The following CERS3 variants were observed in gnomAD, a reference collection of about 807,000 sequenced individuals.
CERS3 encodes LAG1 homolog, ceramide synthase 3.
A neutral mutation model predicts 50.3 loss-of-function variants in CERS3; 33 were observed. That is an observed-to-expected ratio of 0.66 (90% CI 0.50 to 0.88). CERS3 has a LOEUF of 0.88. Ranked by LOEUF, CERS3 falls within the 40% of genes least tolerant of loss-of-function variation. The pLI is 0.00. For synonymous variants in CERS3, 176 were observed against 155.2 expected (o/e 1.13, Z -0.99); for missense variants, 470 against 460.3 (o/e 1.02, Z -0.19).
At chr15:100,443,634 T>A (rs2033803033) in intron 11 of CERS3, among the ~76,000 whole-genome samples, 1 of 144,604 alleles carries the variant, frequency 6.9e-6, no homozygotes, top group African/African-American at 2.5e-5. Context: ...GCTCAGCAAA[T>A]TACCTGGGCT....
At chr15:100,507,652 T>C (rs2036223242) in intron 2 of CERS3, among the ~76,000 whole-genome samples, 1 of 152,188 alleles carries the variant, frequency 6.6e-6, no homozygotes, top group African/African-American at 2.4e-5. Context: ...TCAGTGAAAA[T>C]TGCCACCAGG....
chr15:100,422,258 T>A, intron 11 of CERS3, among the ~76,000 whole-genome samples: 1 of 27,988 alleles, frequency 3.6e-5, no homozygotes, highest in Non-Finnish European at 7.7e-5. Context: ...AACAACCCCA[T>A]CAAAAAGTGG....
chr15:100,503,152 T>A (rs936291872), intron 2 of CERS3, among the ~76,000 whole-genome samples: 1 of 152,134 alleles, frequency 6.6e-6, no homozygotes, highest in Non-Finnish European at 1.5e-5. Flanking sequence ...CAAAATGTCC[T>A]CAGATTCACA....
chr15:100,542,381 C>G (rs1441468603), intron 1 of CERS3, among the ~76,000 whole-genome samples: 1 of 152,214 alleles, frequency 6.6e-6, no homozygotes, highest in East Asian at 1.9e-4. Flanking sequence ...ATGTATAAAT[C>G]ATGCGTATTT....
chr15:100,427,368 C>T (rs1303054312), intron 11 of CERS3, among the ~76,000 whole-genome samples: 1 of 152,200 alleles, frequency 6.6e-6, no homozygotes, highest in South Asian at 2.1e-4. Flanking sequence ...TTAGGCAATG[C>T]CAATCTATCA....
intron 11 of CERS3, among the ~76,000 whole-genome samples, chr15:100,422,952 G>T (rs1382364855): frequency 4.9e-5 from 6 of 121,474 alleles, no homozygotes; most frequent in Non-Finnish European, 6.7e-5. Context: ...GGGGGGAGGG[G>T]GGAGGGATAG....
chr15:100,513,476 T>C (rs1377749145), intron 2 of CERS3, among the ~76,000 whole-genome samples: 2 of 152,108 alleles, frequency 1.3e-5, no homozygotes, highest in East Asian at 3.9e-4. Flanking sequence ...TCTGTGATAC[T>C]GCAACTGTGA....
intron 5 of CERS3, among the ~76,000 whole-genome samples, chr15:100,482,564 T>A (rs1309738867): frequency 6.6e-6 from 1 of 151,726 alleles, no homozygotes; most frequent in Admixed American, 6.6e-5. Flanking sequence ...ATCTGTATTT[T>A]AAAATGAAAA....
intron 11 of CERS3, among the ~76,000 whole-genome samples, chr15:100,446,270 G>T (rs2033934399): frequency 7.1e-6 from 1 of 141,194 alleles, no homozygotes; most frequent in South Asian, 2.4e-4. Flanking sequence ...TTCAATGAAA[G>T]TTTTTTTTTT....
intron 11 of CERS3, among the ~76,000 whole-genome samples, chr15:100,416,173 G>C (rs957773078): frequency 6.6e-6 from 1 of 152,076 alleles, no homozygotes; most frequent in Non-Finnish European, 1.5e-5. Flanking sequence ...CCCCCAAATA[G>C]CCAAAGTAAT....
At chr15:100,417,229 CGT>C (rs1266015740) in intron 11 of CERS3, among the ~76,000 whole-genome samples, 1 of 151,342 alleles carries the variant, frequency 6.6e-6, no homozygotes, top group Admixed American at 6.6e-5. Flanking sequence ...GTGCGTGCAC[CGT>C]GCGTGAGCCG....
At chr15:100,516,884 A>T (rs1432067795) in intron 2 of CERS3, among the ~76,000 whole-genome samples, 1 of 152,228 alleles carries the variant, frequency 6.6e-6, no homozygotes, top group African/African-American at 2.4e-5. Context: ...TCTCCCTCCC[A>T]ACCTCAGCAA....
chr15:100,474,151 T>G (rs2142250169), intron 8 of CERS3, among the ~76,000 whole-genome samples: 1 of 152,240 alleles, frequency 6.6e-6, no homozygotes, highest in Non-Finnish European at 1.5e-5. Context: ...GAGGAGTGAC[T>G]GCTAAATGGT....
At chr15:100,433,040 T>C (rs995721885) in intron 11 of CERS3, among the ~76,000 whole-genome samples, 2 of 151,716 alleles carry the variant, frequency 1.3e-5, no homozygotes, top group African/African-American at 2.4e-5. Flanking sequence ...ATCGAGACCA[T>C]CCTGGCTAAC....
chr15:100,533,562 C>CTTTTT (rs59483467), upstream of CERS3, among the ~76,000 whole-genome samples: 2 of 112,420 alleles, frequency 1.8e-5, no homozygotes, highest in African/African-American at 7.0e-5. Flanking sequence ...CCCTCTCTCT[C>CTTTTT]TTTTTTTTTT....
intron 7 of CERS3, among the ~76,000 whole-genome samples, chr15:100,476,831 C>T: frequency 6.6e-6 from 1 of 152,192 alleles, no homozygotes; most frequent in East Asian, 1.9e-4. Context: ...AGCCCTTGTG[C>T]AGTCTCCTCC....
chr15:100,512,812 G>GGGAAAA (rs916320512), intron 2 of CERS3, among the ~76,000 whole-genome samples: 1 of 152,028 alleles, frequency 6.6e-6, no homozygotes, highest in African/African-American at 2.4e-5. Flanking sequence ...AGAAGGGAGA[G>GGGAAAA]CCCCCTCATT....
intron 11 of CERS3, chr15:100,438,021 T>C (rs1264838217): frequency 6.7e-6 from 1 of 150,158 alleles, no homozygotes; most frequent in Admixed American, 6.7e-5. Context: ...ACTCATCAAT[T>C]GGATTATGTA....
At chr15:100,460,688 C>T (rs989303) in intron 10 of CERS3, among the ~76,000 whole-genome samples, 69,263 of 151,998 alleles carry the variant, frequency 0.46, 16,750 homozygotes, top group Non-Finnish European at 0.54. Context: ...AGGCCGTGGC[C>T]AGGACACCTT....
Sources: allele counts gnomAD v4.1 joint callset (sites outside exome capture counted in the v4.1 genomes callset), GRCh38; gene constraint gnomAD v4.1.1; transcripts MANE v1.5; gene names NCBI Gene and HGNC (gene_info 2026-07-23, HGNC 2026-07-21).